Variants in HELZ observed in about 807,000 individuals in gnomAD.
The protein encoded by HELZ is ATP-dependent RNA helicase with zinc finger domain.
A neutral mutation model predicts 218.2 loss-of-function variants in HELZ; 23 were observed. That is an observed-to-expected ratio of 0.11 (90% CI 0.08 to 0.15). The LOEUF (loss-of-function observed/expected upper bound fraction) is 0.15, where lower values mean the gene tolerates loss of function less well. Ranked by LOEUF, HELZ falls within the 10% of genes least tolerant of loss-of-function variation. HELZ has a pLI of 1.00. For missense variants in HELZ, 1,813 were observed against 2,353.7 expected (o/e 0.77, Z 4.75); for synonymous variants, 814 against 829.4 (o/e 0.98, Z 0.32).
intron 1 of HELZ, 96 bp from the exon 2 acceptor site, chr17:67,243,935 T>C (rs2041394828): frequency 1.0e-6 from 1 of 972,008 alleles, no homozygotes. Context: ...GGCATCTACA[T>C]TTAAAATGGA....
rs1567851885 is a variant in HELZ, at chr17:67,160,320, G to A, written c.2118C>T (p.Tyr706=). 2.5e-6 allele frequency: 4 copies of A among 1,612,442 alleles called. No homozygotes were observed. The highest frequency in any genetic ancestry group is 3.4e-6 in the Non-Finnish European group (4 of 1,178,912). ...CTHSNSAADL[Y]IKDYLHPYVE... The stretch of plus-strand genomic sequence containing the variant: ...CATATGGATGTAAATAATCCTTTAT[G>A]TAGAGATCAGCAGCACTATTAGAAT... Residue 706 remains tyrosine, a synonymous_variant, in exon 17 of 33, where the codon TAC becomes TAT. Transcript: ENST00000358691.
At chr17:67,143,330 C>G (rs368407333) in intron 21 of HELZ, among the ~76,000 whole-genome samples, 6 of 152,030 alleles carry the variant, frequency 3.9e-5, no homozygotes, top group Admixed American at 1.3e-4. Context: ...TACCTTGGCC[C>G]GGTGTGGCTG....
intron 31 of HELZ, among the ~76,000 whole-genome samples, chr17:67,087,804 G>C (rs1372031234): frequency 6.6e-6 from 1 of 152,172 alleles, no homozygotes; most frequent in Non-Finnish European, 1.5e-5. Context: ...CTTCCGACAA[G>C]ATCTATGTGG....
intron 3 of HELZ, among the ~76,000 whole-genome samples, chr17:67,230,710 T>C (rs1378169062): frequency 6.6e-6 from 1 of 152,222 alleles, no homozygotes; most frequent in Non-Finnish European, 1.5e-5. Flanking sequence ...TTTTTGTTTC[T>C]TGATTTTTGC....
At chr17:67,208,928 G>A (rs183733096) in intron 5 of HELZ, among the ~76,000 whole-genome samples, 341 of 149,402 alleles carry the variant, frequency 2.3e-3, no homozygotes, top group Middle Eastern at 0.01. Flanking sequence ...ATGACAGAGT[G>A]AAACTCTGTC....
chr17:67,166,927 T>C (rs959232939), intron 14 of HELZ, among the ~76,000 whole-genome samples: 2 of 152,222 alleles, frequency 1.3e-5, no homozygotes, highest in East Asian at 3.8e-4. Context: ...AAGGCTACTT[T>C]ATTCTACCAT....
At chr17:67,142,742 GATATT>G (rs1467012975) in intron 21 of HELZ, among the ~76,000 whole-genome samples, 1 of 93,012 alleles carries the variant, frequency 1.1e-5, no homozygotes, top group Admixed American at 1.1e-4. Flanking sequence ...GATAAAGAGG[GATATT>G]TATTTATTTA....
chr17:67,195,838 C>CAT (rs2040008878), intron 7 of HELZ, among the ~76,000 whole-genome samples: 1 of 101,544 alleles, frequency 9.8e-6, no homozygotes, highest in African/African-American at 4.3e-5. Context: ...GTTTCTTTTC[C>CAT]TTTTTTTTTT....
At chr17:67,128,592 G>T in intron 24 of HELZ, 59 bp downstream of exon 24, 1 of 1,417,974 alleles carries the variant, frequency 7.1e-7, no homozygotes, top group South Asian at 1.2e-5. Flanking sequence ...ATAAACCTTT[G>T]GCACTTCTGC....
rs1167519982 is a variant in HELZ, at chr17:67,209,142, T to G, written c.248-5699A>C. Among the ~76,000 whole-genome samples, 4 of 150,502 alleles carry G rather than the reference T, an allele frequency of 2.7e-5. No individual in the cohort carries two copies. In the East Asian group the frequency reaches 7.8e-4, roughly 29 times the overall value. ...AATTAAAAAAAAAAAAAAACAACACTGGCAAGGAGCTTAAATACTGAAATT... is the reference window on the plus strand; with the variant it reads ...AATTAAAAAAAAAAAAAAACAACACGGGCAAGGAGCTTAAATACTGAAATT... On this transcript the variant is annotated intron_variant, in intron 5 of 32. Transcript: ENST00000358691.
intron 9 of HELZ, among the ~76,000 whole-genome samples, chr17:67,191,866 A>G (rs2039905551): frequency 6.6e-6 from 1 of 152,008 alleles, no homozygotes; most frequent in African/African-American, 2.4e-5. Flanking sequence ...TAATAAAAAC[A>G]TTGATAAAAG....
Position 67,120,556 on chromosome 17 carries a change from A to G in HELZ, c.3687T>C (p.His1229=), listed in dbSNP as rs762646818. 3.1e-5 allele frequency: 50 copies of G among 1,613,398 alleles called. No homozygotes were observed. In the East Asian group the frequency reaches 1.1e-3, roughly 35 times the overall value. ...TCATGTTATAGGCCATTGCTGCCTG[A>G]TGTGTAATAATTCGAGGATCAACTG... ...RFAVDPRIIT[H]QAAMAYNMNL... The change falls in exon 27 of 33, where the codon CAT becomes CAC. Residue 1229 remains histidine (H), a synonymous_variant. Transcript: ENST00000358691.
rs1481349743 is a variant in HELZ, at chr17:67,087,139, T to A, written c.5242-58A>T. ...GTGCACCTTGTGCCATAGTCCTCTC[T>A]CTTTTCACTCCATAGCAATATCTCA... On this transcript the variant is annotated intron_variant, in intron 31 of 32. Coordinates refer to ENST00000358691, the MANE Select transcript of HELZ (RefSeq NM_014877.4). The A allele has an allele frequency of 2.7e-6, 4 of 1,501,158 alleles. No individual in the cohort carries two copies. The African/African-American group carries it at 5.5e-5, about 21-fold the overall frequency. The allele number at this position is 1,501,158 out of a possible 1,614,324, so 93.0% of individuals were successfully genotyped here.
At chr17:67,201,272 G>C in intron 6 of HELZ, 87 bp from the exon 7 acceptor site, 2 of 819,874 alleles carry the variant, frequency 2.4e-6, no homozygotes, top group Non-Finnish European at 4.0e-6. Context: ...TGTTGTTTCT[G>C]AGTTTATTTG....
intron 21 of HELZ, among the ~76,000 whole-genome samples, chr17:67,141,599 G>A (rs2885930): frequency 2.9e-3 from 442 of 152,004 alleles, no homozygotes; most frequent in African/African-American, 0.01. Flanking sequence ...TAGAAAGGAA[G>A]GGGGAATAGA....
intron 31 of HELZ, among the ~76,000 whole-genome samples, chr17:67,099,394 TTC>T (rs2036851785): frequency 1.5e-4 from 1 of 6,876 alleles, no homozygotes; most frequent in Non-Finnish European, 2.3e-4. Flanking sequence ...CTTAAAGAGA[TTC>T]TGTGAAGTTC....
intron 4 of HELZ, among the ~76,000 whole-genome samples, chr17:67,216,752 C>T (rs1043898059): frequency 6.6e-6 from 1 of 152,138 alleles, no homozygotes; most frequent in Non-Finnish European, 1.5e-5. Flanking sequence ...TCACATGTGC[C>T]CACTCAGACA....
At chr17:67,180,301 T>C (rs2039570952) in intron 12 of HELZ, among the ~76,000 whole-genome samples, 1 of 151,942 alleles carries the variant, frequency 6.6e-6, no homozygotes, top group African/African-American at 2.4e-5. Context: ...TTGAACAACA[T>C]AGTGAGACCC....
intron 2 of HELZ, among the ~76,000 whole-genome samples, chr17:67,242,042 T>C (rs1251772305): frequency 2.6e-5 from 4 of 152,232 alleles, no homozygotes; most frequent in Non-Finnish European, 4.4e-5. Context: ...AAGTATTCCA[T>C]TTTAGACTAC....
Sources: allele counts gnomAD v4.1 joint callset (sites outside exome capture counted in the v4.1 genomes callset), GRCh38; gene constraint gnomAD v4.1.1; transcripts MANE v1.5; gene names NCBI Gene and HGNC (gene_info 2026-07-23, HGNC 2026-07-21).